Variants in C3orf20 observed in about 807,000 individuals in gnomAD.
C3orf20 encodes the protein uncharacterized protein C3orf20.
A neutral mutation model predicts 88.3 loss-of-function variants in C3orf20; 76 were observed. That is an observed-to-expected ratio of 0.86 (90% CI 0.72 to 1.04). C3orf20 has a LOEUF of 1.04. Among genes scored for constraint, C3orf20 ranks in the 50% least tolerant of loss-of-function variants. The probability of loss-of-function intolerance (pLI) is 0.00; values close to 1 mark genes in which losing one functional copy is unlikely to be tolerated. For synonymous variants in C3orf20, 436 were observed against 437.4 expected (o/e 1.00, Z 0.04); for missense variants, 1,056 against 1,123.3 (o/e 0.94, Z 0.86).
chr3:14,729,711 A>G (rs1452020780), intron 12 of C3orf20, among the ~76,000 whole-genome samples: 1 of 152,026 alleles, frequency 6.6e-6, no homozygotes, highest in Non-Finnish European at 1.5e-5. Flanking sequence ...ACGCCTGCCT[A>G]AGTTTTGTAT....
intron 12 of C3orf20, among the ~76,000 whole-genome samples, chr3:14,729,872 T>A (rs7356084): frequency 0.88 from 134,748 of 152,312 alleles, 59,716 homozygotes; most frequent in Non-Finnish European, 0.91. Flanking sequence ...TAACTTTAAA[T>A]AAGTATTAAA....
Position 14,682,842 on chromosome 3 carries a change from C to G in C3orf20, c.129C>G (p.Ile43Met). ...QNAGISVPKG[I>M]RNIFEFTWEE... is the part of the protein sequence containing the mutation. ...CAGGCATTTCTGTACCAAAAGGCAT[C>G]AGAAACATCTTTGAGTTCACTTGGG... Residue 43 changes from isoleucine to methionine, a missense_variant, in exon 3 of 17, where the codon ATC becomes ATG. Transcript: ENST00000253697. The G allele has an allele frequency of 6.2e-7, 1 of 1,614,220 alleles. No individual in the cohort carries two copies. Among genetic ancestry groups the G allele is most frequent in the Non-Finnish European group, 8.5e-7 (1 of 1,180,042 alleles).
intron 12 of C3orf20, among the ~76,000 whole-genome samples, chr3:14,734,215 C>G (rs565952240): frequency 1.3e-5 from 2 of 152,154 alleles, no homozygotes; most frequent in African/African-American, 4.8e-5. Context: ...TTACTCTTAT[C>G]TTTATTGTTT....
In C3orf20 at chr3:14,707,445, T is replaced by TTGTGTGTGTG. The variant is rs36047273; in HGVS notation, c.1160+2865_1160+2874dup. Among the ~76,000 whole-genome samples, 210 of 136,446 alleles carry TTGTGTGTGTG rather than the reference T, an allele frequency of 1.5e-3. 2 individuals carry two copies. Among genetic ancestry groups the TTGTGTGTGTG allele is most frequent in the African/African-American group, 5.1e-3 (185 of 36,256 alleles). 89.5% of individuals were successfully genotyped at this position (136,446 alleles called of 152,430 possible). A position where few individuals can be genotyped will look rare whatever the true frequency, so the allele number is the denominator to read the frequency against. On this transcript the variant is annotated intron_variant, in intron 7 of 16. Transcript: ENST00000253697. The stretch of plus-strand genomic sequence containing the variant: ...GACGAATGGCGTAGAGCATCTTTTC[T>TTGTGTGTGTG]TGTGTGTGTGTGTGTGTGTGTGTGT...
intron 8 of C3orf20, 46 bp from the exon 9 acceptor site, chr3:14,715,243 C>T (rs2033894547): frequency 6.3e-7 from 1 of 1,594,970 alleles, no homozygotes; most frequent in East Asian, 2.2e-5. Context: ...ATGAGAGCTT[C>T]CTTCAGGGGC....
At chr3:14,705,365 G>A (rs1284129616) in intron 7 of C3orf20, among the ~76,000 whole-genome samples, 1 of 152,236 alleles carries the variant, frequency 6.6e-6, no homozygotes, top group African/African-American at 2.4e-5. Context: ...CTCCTTGGAG[G>A]GTGAGCCCTG....
In C3orf20 at chr3:14,772,258, G is replaced by T; in HGVS notation, c.2630+57G>T. ...GTGGCTCACAGCAGGCCACCTCGGGGCTATTTGGCCTTGGGCAAGTCACTA... is the reference window on the plus strand; with the variant it reads ...GTGGCTCACAGCAGGCCACCTCGGGTCTATTTGGCCTTGGGCAAGTCACTA... On this transcript the variant is annotated intron_variant, in intron 16 of 16. Transcript: ENST00000253697. The surrounding 1 kb of genome is among the most constrained non-coding windows in gnomAD (Gnocchi z 4.2). 6.2e-7 allele frequency: 1 copy of T among 1,611,532 alleles called. No homozygotes were observed. Among genetic ancestry groups the T allele is most frequent in the Non-Finnish European group, 8.5e-7 (1 of 1,178,458 alleles).
At chr3:14,684,882 C>T (rs781384061) in intron 4 of C3orf20, among the ~76,000 whole-genome samples, 5 of 152,188 alleles carry the variant, frequency 3.3e-5, no homozygotes, top group Non-Finnish European at 7.4e-5. Flanking sequence ...TTCCAGAAGT[C>T]ATACAAGAAT....
At chr3:14,716,648 C>T (rs1370035001) in intron 9 of C3orf20, among the ~76,000 whole-genome samples, 1 of 152,198 alleles carries the variant, frequency 6.6e-6, no homozygotes, top group Non-Finnish European at 1.5e-5. Context: ...CTCCCAAATT[C>T]CTTCAAAGCC....
At chr3:14,680,175 A>T (rs1005138193) in intron 1 of C3orf20, among the ~76,000 whole-genome samples, 1 of 152,206 alleles carries the variant, frequency 6.6e-6, no homozygotes, top group Non-Finnish European at 1.5e-5. Context: ...GAGAATGAAA[A>T]CATACATCCA....
intron 14 of C3orf20, among the ~76,000 whole-genome samples, chr3:14,760,293 A>G (rs549440511): frequency 6.6e-6 from 1 of 152,192 alleles, no homozygotes; most frequent in African/African-American, 2.4e-5. Context: ...TTGTTTTTAA[A>G]TGGCTTTATC....
chr3:14,735,220 A>G (rs923689531), intron 12 of C3orf20, among the ~76,000 whole-genome samples: 4 of 151,856 alleles, frequency 2.6e-5, no homozygotes, highest in Non-Finnish European at 5.9e-5. Context: ...ATATTTTTAC[A>G]TTAATATAAT....
chr3:14,761,842 G>A (rs2035573590), intron 15 of C3orf20, among the ~76,000 whole-genome samples: 1 of 152,118 alleles, frequency 6.6e-6, no homozygotes, highest in Admixed American at 6.5e-5. Context: ...CAGGTGCAGA[G>A]TGGGAGGGGG....
At chr3:14,729,958 C>T (rs1236977127) in intron 12 of C3orf20, among the ~76,000 whole-genome samples, 1 of 152,194 alleles carries the variant, frequency 6.6e-6, no homozygotes, top group Non-Finnish European at 1.5e-5. Context: ...GTGTGTAGCT[C>T]AATTAATATT....
intron 15 of C3orf20, among the ~76,000 whole-genome samples, chr3:14,771,764 G>A (rs2035863874): frequency 7.4e-6 from 1 of 134,674 alleles, no homozygotes; most frequent in Non-Finnish European, 1.5e-5. Context: ...TTTGCCCCCT[G>A]TCATCTCTCC....
chr3:14,737,284 C>T (rs1225433128), intron 12 of C3orf20, among the ~76,000 whole-genome samples: 2 of 151,836 alleles, frequency 1.3e-5, no homozygotes. Flanking sequence ...TTTCCACTTT[C>T]TCTTTCTTTT....
chr3:14,729,834 T>C (rs187840137), intron 12 of C3orf20, among the ~76,000 whole-genome samples: 1 of 152,386 alleles, frequency 6.6e-6, no homozygotes, highest in East Asian at 1.9e-4. Flanking sequence ...CGTGAGCCAC[T>C]GCACCTGGCC....
At chr3:14,755,220 G>A (rs1256437052) in intron 12 of C3orf20, among the ~76,000 whole-genome samples, 1 of 151,848 alleles carries the variant, frequency 6.6e-6, no homozygotes, top group Non-Finnish European at 1.5e-5. Flanking sequence ...TTCATCTTTG[G>A]TTATGATAGT....
intron 15 of C3orf20, chr3:14,766,846 G>A (rs2035723737): frequency 6.6e-6 from 1 of 152,374 alleles, no homozygotes; most frequent in Admixed American, 6.5e-5. Flanking sequence ...CAGCCGGCCT[G>A]ACCCCCAGCC....
Sources: gnomAD v4.1 joint callset for allele counts (sites outside exome capture counted in the v4.1 genomes callset) on GRCh38, gnomAD v4.1.1 for gene constraint, Gnocchi (gnomAD v3.1) non-coding constraint, MANE v1.5 for transcripts, NCBI Gene and HGNC (gene_info 2026-07-23, HGNC 2026-07-21) for gene names.